KLHDC1: variants seen among roughly 807,000 people sequenced by gnomAD.
KLHDC1 encodes kelch domain-containing protein 1.
In KLHDC1, 53 loss-of-function variants were observed where a neutral mutation model predicts 68.3. That is an observed-to-expected ratio of 0.78 (90% CI 0.62 to 0.98). The LOEUF is 0.98. Among genes scored for constraint, KLHDC1 ranks in the 50% least tolerant of loss-of-function variants. The pLI is 0.00. For missense variants in KLHDC1, 470 were observed against 492.3 expected (o/e 0.95, Z 0.43); for synonymous variants, 148 against 159.0 (o/e 0.93, Z 0.52).
chr14:49,703,250 T>C (rs1315156268), intron 1 of KLHDC1, among the ~76,000 whole-genome samples: 1 of 151,982 alleles, frequency 6.6e-6, no homozygotes, highest in African/African-American at 2.4e-5. Flanking sequence ...GTTACCACTA[T>C]CTTAAATTTC....
At chr14:49,729,030 T>C in intron 7 of KLHDC1, 21 bp downstream of exon 7, 1 of 1,547,512 alleles carries the variant, frequency 6.5e-7, no homozygotes, top group Non-Finnish European at 8.9e-7. Flanking sequence ...TTAATGGAAA[T>C]GGTATTTTTA....
In KLHDC1 at chr14:49,753,083, AGT is replaced by A. The variant is rs1481116468; in HGVS notation, c.*1314_*1315del. ...TTTTTACGTTTTATTTATTGTACAA[AGT>A]GTATATAATTACTGTTTTCTTTTTT... is the stretch of plus-strand genomic sequence containing the variant. On this transcript the variant is annotated 3_prime_UTR_variant, in exon 13 of 13. Coordinates refer to ENST00000359332, the MANE Select transcript of KLHDC1 (RefSeq NM_172193.3). The A allele has an allele frequency of 2.6e-5, 4 of 152,120 alleles. No individual in the cohort carries two copies. Among genetic ancestry groups the A allele is most frequent in the South Asian group, 2.1e-4 (1 of 4,824 alleles). 9.4% of individuals were successfully genotyped at this position (152,120 alleles called of 1,614,324 possible). A position where few individuals can be genotyped will look rare whatever the true frequency, so the allele number is the denominator to read the frequency against.
chr14:49,743,811 C>G lies in KLHDC1; in HGVS notation c.1034+6C>G, dbSNP rs538965762. Reference sequence around the variant, plus strand: ...CAGCCTTATTCACTACTCAGGTAAGCAAATTTAATATTTTCTATATATTTG... The same window carrying G: ...CAGCCTTATTCACTACTCAGGTAAGGAAATTTAATATTTTCTATATATTTG... On this transcript the variant is annotated splice_donor_region_variant and intron_variant, in intron 12 of 12. Coordinates refer to ENST00000359332, the MANE Select transcript of KLHDC1 (RefSeq NM_172193.3). 8 of 1,481,116 alleles carry G rather than the reference C, an allele frequency of 5.4e-6. No homozygotes were observed. The highest frequency in any genetic ancestry group is 7.5e-6 in the Non-Finnish European group (8 of 1,067,248). 91.7% of individuals were successfully genotyped at this position (1,481,116 alleles called of 1,614,324 possible). A position where few individuals can be genotyped will look rare whatever the true frequency, so the allele number is the denominator to read the frequency against.
At chr14:49,745,356 C>T (rs1734244638) in intron 12 of KLHDC1, among the ~76,000 whole-genome samples, 1 of 152,046 alleles carries the variant, frequency 6.6e-6, no homozygotes, top group African/African-American at 2.4e-5. Flanking sequence ...TTAATTAGTC[C>T]AGGGTGTGGC....
intron 6 of KLHDC1, among the ~76,000 whole-genome samples, chr14:49,727,095 G>A (rs1333860396): frequency 6.6e-6 from 1 of 152,000 alleles, no homozygotes; most frequent in Non-Finnish European, 1.5e-5. Context: ...AAATACAAAG[G>A]AAATTAGCTG....
rs182799756 is a variant in KLHDC1 at position 49,713,013 on chromosome 14, G to A, written c.404+2632G>A. Among the ~76,000 whole-genome samples, 474 of 142,468 alleles carry A rather than the reference G, an allele frequency of 3.3e-3. 5 individuals are homozygous for A. Among genetic ancestry groups the A allele is most frequent in the South Asian group, 0.027 (121 of 4,516 alleles). The allele number at this position is 142,468 out of a possible 152,430, so 93.5% of individuals were successfully genotyped here. ...CACCCAGCCTGGAATGCAGTGGCGCGATCTCAGCTCACTGCAAGCTCTGCC... is the reference window on the plus strand; with the variant it reads ...CACCCAGCCTGGAATGCAGTGGCGCAATCTCAGCTCACTGCAAGCTCTGCC... On this transcript the variant is annotated intron_variant, in intron 4 of 12. Coordinates refer to ENST00000359332, the MANE Select transcript of KLHDC1 (RefSeq NM_172193.3).
rs565612106 is a variant in KLHDC1, at chr14:49,732,066, G to GT, written c.711-637dup. ...ACACAAAATTAACCATGAAACAACAGTAAAAAGTTACAGACATGAAAAAAA... is the reference window on the plus strand; with the variant it reads ...ACACAAAATTAACCATGAAACAACAGTTAAAAAGTTACAGACATGAAAAAAA... On this transcript the variant is annotated intron_variant, in intron 8 of 12. Transcript: ENST00000359332. Among the ~76,000 whole-genome samples, 54 of 151,946 alleles carry GT rather than the reference G, an allele frequency of 3.6e-4. No individual in the cohort carries two copies. The East Asian group carries it at 7.9e-3, about 22-fold the overall frequency.
chr14:49,724,092 C>T (rs1346779587), intron 5 of KLHDC1, 140 bp downstream of exon 5: 1 of 580,608 alleles, frequency 1.7e-6, no homozygotes, highest in Non-Finnish European at 3.0e-6. Context: ...TGTTTTCTCT[C>T]TTTAACATTT....
intron 4 of KLHDC1, among the ~76,000 whole-genome samples, chr14:49,712,387 C>A (rs1052096916): frequency 1.3e-5 from 2 of 151,750 alleles, no homozygotes; most frequent in East Asian, 3.9e-4. Context: ...TTAACATATT[C>A]ATCTACACCT....
chr14:49,732,637 A>G (rs1471711124), intron 8 of KLHDC1, 67 bp from the exon 9 acceptor site: 2 of 763,994 alleles, frequency 2.6e-6, no homozygotes, highest in Admixed American at 2.7e-5. Flanking sequence ...TTTAAGATCT[A>G]AGATGATTAA....
chr14:49,736,005 A>G (rs1349219705), intron 10 of KLHDC1, among the ~76,000 whole-genome samples: 1 of 152,108 alleles, frequency 6.6e-6, no homozygotes, highest in African/African-American at 2.4e-5. Flanking sequence ...GCAGAGCCAG[A>G]CCCTGTCTCA....
At position 49,723,555 on chromosome 14, in the gene KLHDC1, A is replaced by T. The variant is rs530098388; in HGVS notation, c.405-319A>T. ...CATGTCTCAAAAAATAAATTAAAAA[A>T]AATCTAATTTGCCATGCCAATATAA... On this transcript the variant is annotated intron_variant, in intron 4 of 12. Coordinates refer to ENST00000359332, the MANE Select transcript of KLHDC1 (RefSeq NM_172193.3). Among the ~76,000 whole-genome samples, 3 of 152,334 alleles carry T rather than the reference A, an allele frequency of 2.0e-5. No individual in the cohort carries two copies. The East Asian group carries it at 5.8e-4, about 29-fold the overall frequency.
At chr14:49,700,719 CAT>C (rs1451133316) in intron 1 of KLHDC1, among the ~76,000 whole-genome samples, 2 of 152,206 alleles carry the variant, frequency 1.3e-5, no homozygotes, top group South Asian at 2.1e-4. Flanking sequence ...GATATTAAAA[CAT>C]GTCACAATAC....
At chr14:49,742,311 A>G (rs1566619381) in intron 11 of KLHDC1, among the ~76,000 whole-genome samples, 1 of 152,218 alleles carries the variant, frequency 6.6e-6, no homozygotes, top group Non-Finnish European at 1.5e-5. Context: ...TTTCTACCAC[A>G]TTAACTTTTA....
rs537963534 is a variant in KLHDC1 at position 49,704,208 on chromosome 14, G to A, written c.97-4951G>A. 1.8e-4 allele frequency among the ~76,000 whole-genome samples: 27 copies of A among 152,136 alleles called. No homozygotes were observed. The East Asian group carries it at 3.1e-3, about 17-fold the overall frequency. The stretch of plus-strand genomic sequence containing the variant: ...CCCTTGGTTACTGATAAAATTGAGC[G>A]TCTAACTTTATGGACTATTTGTGTC... On this transcript the variant is annotated intron_variant, in intron 1 of 12. Coordinates refer to ENST00000359332, the MANE Select transcript of KLHDC1 (RefSeq NM_172193.3).
intron 4 of KLHDC1, among the ~76,000 whole-genome samples, chr14:49,716,008 G>T (rs1165400922): frequency 2.0e-5 from 3 of 151,908 alleles, no homozygotes; most frequent in Non-Finnish European, 2.9e-5. Flanking sequence ...ATTCACAGGT[G>T]TATACAGAAT....
chr14:49,734,682 A>G (rs1321681315), intron 10 of KLHDC1, 21 bp downstream of exon 10: 2 of 1,344,760 alleles, frequency 1.5e-6, no homozygotes, highest in Admixed American at 1.8e-5. Flanking sequence ...AAATTGACAA[A>G]TAGTAAAATA....
chr14:49,744,543 G>C (rs1889153934), intron 12 of KLHDC1, among the ~76,000 whole-genome samples: 1 of 151,924 alleles, frequency 6.6e-6, no homozygotes, highest in African/African-American at 2.4e-5. Context: ...CCCCCACTTG[G>C]ATACCAAAAT....
At chr14:49,695,999 G>T (rs1489534761) in intron 1 of KLHDC1, among the ~76,000 whole-genome samples, 1 of 151,354 alleles carries the variant, frequency 6.6e-6, no homozygotes, top group Non-Finnish European at 1.5e-5. Flanking sequence ...CCAGGAGGCG[G>T]AGCTTGCAGT....
Sources: allele counts gnomAD v4.1 joint callset (sites outside exome capture counted in the v4.1 genomes callset), GRCh38; gene constraint gnomAD v4.1.1; transcripts MANE v1.5; gene names NCBI Gene and HGNC (gene_info 2026-07-23, HGNC 2026-07-21).